The following GYPC variants were observed in gnomAD, a reference collection of about 807,000 sequenced individuals.
GYPC encodes glycophorin C (Gerbich blood group), also known as glycophorin-C.
In GYPC, 14 loss-of-function variants were observed where a neutral mutation model predicts 12.6. The ratio of observed to expected loss-of-function variants is 1.11; its 90% CI spans 0.74 to 1.74. The LOEUF (loss-of-function observed/expected upper bound fraction) is 1.74, where lower values mean the gene tolerates loss of function less well. Among genes scored for constraint, GYPC ranks in the 40% most tolerant of loss-of-function variants. The pLI is 0.00. For synonymous variants in GYPC, 78 were observed against 62.1 expected (o/e 1.26, Z -1.20); for missense variants, 225 against 172.1 (o/e 1.31, Z -1.72).
intron 1 of GYPC, among the ~76,000 whole-genome samples, chr2:126,686,923 C>T (rs566681838): frequency 6.6e-6 from 1 of 152,278 alleles, no homozygotes; most frequent in South Asian, 2.1e-4. Context: ...TATCCCTCAG[C>T]TCCAGCAAGG....
chr2:126,690,312 G>T lies in GYPC; in HGVS notation c.106+1G>T. ...ACAATGCATACTACCACCATTGCAG[G>T]TGAGTTCTCATCACAGAGCCTCACC... On this transcript the variant is annotated splice_donor_variant, in intron 2 of 3. Coordinates refer to ENST00000259254, the MANE Select transcript of GYPC (RefSeq NM_002101.5). LOFTEE classifies it high-confidence loss of function. 1 of 1,606,684 alleles carries T rather than the reference G, an allele frequency of 6.2e-7. No individual in the cohort carries two copies. The highest frequency in any genetic ancestry group is 8.5e-7 in the Non-Finnish European group (1 of 1,173,212).
intron 1 of GYPC, chr2:126,658,359 G>C (rs1249306754): frequency 1.3e-5 from 2 of 152,272 alleles, no homozygotes; most frequent in Admixed American, 6.5e-5. Flanking sequence ...GGGAGCAAAG[G>C]GTTGTGAAGT....
chr2:126,693,843 A>T (rs1683550167), intron 2 of GYPC, 21 bp from the exon 3 acceptor site: 1 of 1,550,710 alleles, frequency 6.4e-7, no homozygotes. Context: ...CTGACCTCAG[A>T]TTCTTGTCCT....
intron 1 of GYPC, among the ~76,000 whole-genome samples, chr2:126,661,436 A>G (rs1294095076): frequency 6.7e-6 from 1 of 149,702 alleles, no homozygotes; most frequent in African/African-American, 2.5e-5. Flanking sequence ...TGAAAGCCAG[A>G]TGCCCCTTCT....
At chr2:126,686,039 T>G in intron 1 of GYPC, 1 of 985,118 alleles carries the variant, frequency 1.0e-6, no homozygotes, top group East Asian at 1.1e-4. Context: ...GGGAACCCCT[T>G]CAACAACTCC....
At chr2:126,673,085 G>T (rs975501632) in intron 1 of GYPC, among the ~76,000 whole-genome samples, 1 of 152,154 alleles carries the variant, frequency 6.6e-6, no homozygotes, top group Middle Eastern at 3.4e-3. Context: ...GTATTGGGAG[G>T]TACTTTTCAT....
chr2:126,664,967 C>T (rs1429330703), intron 1 of GYPC, among the ~76,000 whole-genome samples: 1 of 152,132 alleles, frequency 6.6e-6, no homozygotes, highest in Non-Finnish European at 1.5e-5. Flanking sequence ...CTCTCTCTCT[C>T]TCTCTCTCTC....
At chr2:126,695,923 C>T in intron 3 of GYPC, 23 bp from the exon 4 acceptor site, 1 of 1,608,858 alleles carries the variant, frequency 6.2e-7, no homozygotes, top group Non-Finnish European at 8.5e-7. Context: ...CAGACTGACC[C>T]TTGCACCTCT....
intron 1 of GYPC, among the ~76,000 whole-genome samples, chr2:126,677,440 A>AGTGT (rs72008743): frequency 3.4e-5 from 5 of 147,694 alleles, no homozygotes; most frequent in African/African-American, 1.3e-4. Context: ...AGAGAGTAGG[A>AGTGT]GTGTGTGTGT....
intron 2 of GYPC, among the ~76,000 whole-genome samples, chr2:126,693,098 G>A (rs1308124069): frequency 6.6e-6 from 1 of 152,244 alleles, no homozygotes; most frequent in East Asian, 1.9e-4. Flanking sequence ...TTCCCAAGGT[G>A]GCAGTGATGG....
At chr2:126,664,839 A>T (rs940865883) in intron 1 of GYPC, among the ~76,000 whole-genome samples, 3 of 151,278 alleles carry the variant, frequency 2.0e-5, no homozygotes, top group Admixed American at 2.0e-4. Flanking sequence ...TCACGGGAGG[A>T]CTCCCTGGGC....
At chr2:126,673,037 A>C (rs1682893843) in intron 1 of GYPC, among the ~76,000 whole-genome samples, 1 of 152,036 alleles carries the variant, frequency 6.6e-6, no homozygotes, top group South Asian at 2.1e-4. Flanking sequence ...CGAGGTCAGG[A>C]TCCTAATACC....
intron 1 of GYPC, among the ~76,000 whole-genome samples, chr2:126,682,692 C>G (rs79784354): frequency 1.3e-5 from 2 of 152,326 alleles, no homozygotes; most frequent in East Asian, 3.9e-4. Context: ...GCTGAAGCCA[C>G]GCCAACTGTT....
intron 1 of GYPC, among the ~76,000 whole-genome samples, chr2:126,679,217 G>A (rs1197794726): frequency 6.6e-6 from 1 of 152,146 alleles, no homozygotes; most frequent in African/African-American, 2.4e-5. Context: ...GGGCCAAATG[G>A]TCTGAACCCA....
intron 3 of GYPC, among the ~76,000 whole-genome samples, 168 bp downstream of exon 3, chr2:126,694,115 T>C (rs1361830482): frequency 2.6e-5 from 4 of 152,048 alleles, no homozygotes; most frequent in Non-Finnish European, 5.9e-5. Context: ...CCTGGGTAAA[T>C]ATATATATAC....
chr2:126,695,183 C>T (rs1453902782), intron 3 of GYPC, among the ~76,000 whole-genome samples: 2 of 152,178 alleles, frequency 1.3e-5, no homozygotes, highest in Non-Finnish European at 2.9e-5. Context: ...ATAGCCTCAT[C>T]TTTTTTCCCC....
chr2:126,660,371 C>T (rs1186723654), intron 1 of GYPC, among the ~76,000 whole-genome samples: 6 of 152,216 alleles, frequency 3.9e-5, no homozygotes, highest in African/African-American at 4.8e-5. Context: ...CCTCACGCAC[C>T]GTCCCAGGCT....
Position 126,696,104 on chromosome 2 carries a change from G to A in GYPC, c.349G>A (p.Asp117Asn), listed in dbSNP as rs973579188. 22 of 1,614,024 alleles carry A rather than the reference G, an allele frequency of 1.4e-5. No individual in the cohort carries two copies. The highest frequency in any genetic ancestry group is 1.8e-5 in the Non-Finnish European group (21 of 1,179,962). The stretch of plus-strand genomic sequence containing the variant: ...CCTGCAGGGAGACCCTGCCCTCCAA[G>A]ATGCTGGTGATAGCAGCAGAAAGGA... ...AALQGDPALQ[D>N]AGDSSRKEYF... The change falls in exon 4 of 4, where the codon GAT (aspartate) becomes AAT (asparagine). Residue 117 changes from aspartate to asparagine, a missense_variant. By Grantham distance (23) the Asp-to-Asn change is conservative (BLOSUM62 1). Transcript: ENST00000259254.
At chr2:126,690,093 C>T (rs1683411214) in intron 1 of GYPC, among the ~76,000 whole-genome samples, 162 bp from the exon 2 acceptor site, 1 of 152,220 alleles carries the variant, frequency 6.6e-6, no homozygotes, top group Non-Finnish European at 1.5e-5. Flanking sequence ...CTGGTCTGTG[C>T]ACCCCTGCTA....
Sources: gnomAD v4.1 joint callset for allele counts (sites outside exome capture counted in the v4.1 genomes callset) on GRCh38, gnomAD v4.1.1 for gene constraint, MANE v1.5 for transcripts, NCBI Gene and HGNC (gene_info 2026-07-23, HGNC 2026-07-21) for gene names.